Variants in KCND2 observed in about 807,000 individuals in gnomAD.
The protein encoded by KCND2 is A-type voltage-gated potassium channel KCND2.
KCND2 carries 16 observed loss-of-function variants against 54.4 expected under a neutral mutation model. The observed-to-expected ratio is 0.29, with a 90% confidence interval of 0.20 to 0.45. KCND2 has a LOEUF of 0.45. KCND2 is among the 20% of genes least tolerant of loss of function. The pLI is 1.00. For synonymous variants in KCND2, 317 were observed against 310.7 expected (o/e 1.02, Z -0.21); for missense variants, 486 against 824.2 (o/e 0.59, Z 5.02).
chr7:120,621,831 T>TTG (rs1584857653), intron 1 of KCND2, among the ~76,000 whole-genome samples: 1 of 152,190 alleles, frequency 6.6e-6, no homozygotes, highest in Non-Finnish European at 1.5e-5. Context: ...ACAACTGTCA[T>TTG]TGACTGATGA....
chr7:120,386,723 T>G (rs1182828264), intron 1 of KCND2, among the ~76,000 whole-genome samples: 1 of 152,128 alleles, frequency 6.6e-6, no homozygotes, highest in Non-Finnish European at 1.5e-5. Context: ...AATTTCACTG[T>G]TATATGAAAC....
intron 1 of KCND2, among the ~76,000 whole-genome samples, chr7:120,603,354 A>G (rs1792838281): frequency 6.6e-6 from 1 of 152,118 alleles, no homozygotes; most frequent in African/African-American, 2.4e-5. Flanking sequence ...CACTTTTTCA[A>G]ATCCCCCAAG....
chr7:120,530,471 T>G (rs1791830159), intron 1 of KCND2, among the ~76,000 whole-genome samples: 1 of 152,192 alleles, frequency 6.6e-6, no homozygotes, highest in South Asian at 2.1e-4. Flanking sequence ...CTTTGAAGTA[T>G]ATATCTAACA....
At chr7:120,589,973 C>T (rs2116456406) in intron 1 of KCND2, among the ~76,000 whole-genome samples, 1 of 152,230 alleles carries the variant, frequency 6.6e-6, no homozygotes, top group East Asian at 1.9e-4. Flanking sequence ...GCTTGTATTC[C>T]TTAATTTTCA....
At chr7:120,539,760 A>G (rs1432165409) in intron 1 of KCND2, among the ~76,000 whole-genome samples, 1 of 152,184 alleles carries the variant, frequency 6.6e-6, no homozygotes, top group Non-Finnish European at 1.5e-5. Context: ...TTTTTGTGGC[A>G]AAAGCACATA....
chr7:120,668,126 T>C (rs552826602), intron 1 of KCND2, among the ~76,000 whole-genome samples: 2 of 151,952 alleles, frequency 1.3e-5, no homozygotes, highest in African/African-American at 4.8e-5. Flanking sequence ...AGAAAAAAAA[T>C]TAAAAACTGG....
chr7:120,641,968 G>A (rs183586964), intron 1 of KCND2, among the ~76,000 whole-genome samples: 1 of 151,998 alleles, frequency 6.6e-6, no homozygotes, highest in Non-Finnish European at 1.5e-5. Flanking sequence ...GAACTTCTCT[G>A]TTCTTATGGT....
At chr7:120,575,985 A>G (rs1293041694) in intron 1 of KCND2, among the ~76,000 whole-genome samples, 1 of 8,928 alleles carries the variant, frequency 1.1e-4, no homozygotes, top group Non-Finnish European at 6.1e-4. Context: ...AACTAAGCTC[A>G]TGATGTAGAC....
chr7:120,548,656 G>A (rs1792071622), intron 1 of KCND2, among the ~76,000 whole-genome samples: 1 of 152,258 alleles, frequency 6.6e-6, no homozygotes, highest in African/African-American at 2.4e-5. Context: ...TCAAATGAAT[G>A]AATTCAACAG....
intron 1 of KCND2, among the ~76,000 whole-genome samples, chr7:120,694,332 C>A (rs1792307910): frequency 6.6e-6 from 1 of 152,124 alleles, no homozygotes; most frequent in South Asian, 2.1e-4. Context: ...TATAGGTGAT[C>A]TTTACAAAGT....
At chr7:120,692,727 G>T (rs1179487857) in intron 1 of KCND2, among the ~76,000 whole-genome samples, 1 of 152,198 alleles carries the variant, frequency 6.6e-6, no homozygotes, top group East Asian at 1.9e-4. Context: ...CCTCGATGGG[G>T]ACTTTGAGTT....
chr7:120,643,411 T>G (rs961663674), intron 1 of KCND2, among the ~76,000 whole-genome samples: 1 of 152,158 alleles, frequency 6.6e-6, no homozygotes, highest in African/African-American at 2.4e-5. Flanking sequence ...CATAAAAATA[T>G]ATATATACTC....
At chr7:120,633,106 T>C (rs2116517917) in intron 1 of KCND2, among the ~76,000 whole-genome samples, 1 of 152,288 alleles carries the variant, frequency 6.6e-6, no homozygotes, top group Admixed American at 6.5e-5. Flanking sequence ...TTGAGAGAAA[T>C]GTCTCATTTA....
In KCND2 at chr7:120,677,389, A is replaced by T. The variant is rs549514757; in HGVS notation, c.1116-55514A>T. Among the ~76,000 whole-genome samples the T allele has an allele frequency of 4.6e-5, 7 of 152,216 alleles. No homozygotes were observed. The East Asian group carries it at 1.4e-3, about 29-fold the overall frequency. ...AGAACAAGAGAAGAGTCATAAAATA[A>T]GGTGATGAACAGACCATTTGTGAGT... On this transcript the variant is annotated intron_variant, in intron 1 of 5. Transcript: ENST00000331113.
intron 2 of KCND2, chr7:120,740,977 T>A (rs182536268): frequency 4.3e-5 from 18 of 418,834 alleles, no homozygotes; most frequent in Non-Finnish European, 4.8e-6. Context: ...CTACCTAGGC[T>A]AATTTAAAGG....
In KCND2 at chr7:120,542,772, G is replaced by GATGGTGAAT. The variant is rs750355877; in HGVS notation, c.1116-190129_1116-190121dup. Among the ~76,000 whole-genome samples, 19 of 152,272 alleles carry GATGGTGAAT rather than the reference G, an allele frequency of 1.2e-4. 1 individual carries two copies. The South Asian group carries it at 2.3e-3, about 18-fold the overall frequency. ...AAACCTGAGCACATGGCTTGGAAGAGATGGTGAATACCAAAATGATGTCTG... is the reference window on the plus strand; with the variant it reads ...AAACCTGAGCACATGGCTTGGAAGAGATGGTGAATATGGTGAATACCAAAATGATGTCTG... On this transcript the variant is annotated intron_variant, in intron 1 of 5. Coordinates refer to ENST00000331113, the MANE Select transcript of KCND2 (RefSeq NM_012281.3).
chr7:120,338,751 A>G (rs1462942998), intron 1 of KCND2, among the ~76,000 whole-genome samples: 2 of 152,158 alleles, frequency 1.3e-5, no homozygotes, highest in African/African-American at 4.8e-5. Flanking sequence ...TTGTCAGTTA[A>G]TAAAATAGTT....
chr7:120,617,445 T>G (rs959407656), intron 1 of KCND2, among the ~76,000 whole-genome samples: 1 of 152,138 alleles, frequency 6.6e-6, no homozygotes, highest in African/African-American at 2.4e-5. Flanking sequence ...AGTGAGATTC[T>G]ATTTCACACC....
At chr7:120,483,455 A>G (rs889365189) in intron 1 of KCND2, among the ~76,000 whole-genome samples, 1 of 152,206 alleles carries the variant, frequency 6.6e-6, no homozygotes, top group Non-Finnish European at 1.5e-5. Flanking sequence ...TGGAAGTGAT[A>G]GGTAAAACAA....
Sources: gnomAD v4.1 joint callset for allele counts (sites outside exome capture counted in the v4.1 genomes callset) on GRCh38, gnomAD v4.1.1 for gene constraint, MANE v1.5 for transcripts, NCBI Gene and HGNC (gene_info 2026-07-23, HGNC 2026-07-21) for gene names.